CTIF: variants seen among roughly 807,000 people sequenced by gnomAD.
The protein encoded by CTIF is cap binding complex dependent translation initiation factor.
CTIF carries 21 observed loss-of-function variants against 66.0 expected under a neutral mutation model. That is an observed-to-expected ratio of 0.32 (90% CI 0.23 to 0.46). CTIF has a LOEUF of 0.46. Among genes scored for constraint, CTIF ranks in the 20% least tolerant of loss-of-function variants. CTIF has a pLI of 1.00. For synonymous variants in CTIF, 345 were observed against 326.4 expected, an observed-to-expected ratio of 1.06 and a Z score of -0.62; for missense variants, 739 against 812.7, an observed-to-expected ratio of 0.91 and a Z score of 1.10.
chr18:48,783,144 A>T (rs1911396276), intron 9 of CTIF, among the ~76,000 whole-genome samples: 1 of 152,182 alleles, frequency 6.6e-6, no homozygotes, highest in Non-Finnish European at 1.5e-5. Flanking sequence ...AGCAACTGGG[A>T]TCCAGGCCTG....
At chr18:48,669,753 A>G (rs1387681484) in intron 5 of CTIF, among the ~76,000 whole-genome samples, 1 of 135,384 alleles carries the variant, frequency 7.4e-6, no homozygotes, top group Non-Finnish European at 1.6e-5. Flanking sequence ...ATACACAAGA[A>G]ATATACACAC....
chr18:48,708,967 G>A (rs2092193040), intron 6 of CTIF, among the ~76,000 whole-genome samples: 1 of 152,154 alleles, frequency 6.6e-6, no homozygotes, highest in African/African-American at 2.4e-5. Context: ...CAGGATCACA[G>A]GAAAGATAAC....
intron 10 of CTIF, among the ~76,000 whole-genome samples, chr18:48,853,018 G>T (rs911210303): frequency 5.3e-5 from 8 of 152,186 alleles, no homozygotes; most frequent in Non-Finnish European, 1.2e-4. Flanking sequence ...AAAGGTACGT[G>T]CATCAGAGGG....
chr18:48,711,435 G>A (rs915348069), intron 6 of CTIF, among the ~76,000 whole-genome samples, 184 bp from the exon 7 acceptor site: 1 of 152,158 alleles, frequency 6.6e-6, no homozygotes, highest in African/African-American at 2.4e-5. Flanking sequence ...TCACTGCCTG[G>A]TAGGAAGTTC....
chr18:48,660,379 A>C (rs573610663), intron 3 of CTIF, among the ~76,000 whole-genome samples: 2 of 152,270 alleles, frequency 1.3e-5, no homozygotes, highest in Non-Finnish European at 2.9e-5. Context: ...CACCCCCAAC[A>C]TGGAGATGGC....
At chr18:48,809,416 G>C (rs1208046687) in intron 9 of CTIF, among the ~76,000 whole-genome samples, 1 of 152,012 alleles carries the variant, frequency 6.6e-6, no homozygotes, top group Non-Finnish European at 1.5e-5. Flanking sequence ...CTGATACTAA[G>C]TCATCCATGC....
chr18:48,586,470 C>T (rs1252135858), intron 1 of CTIF, among the ~76,000 whole-genome samples: 1 of 151,782 alleles, frequency 6.6e-6, no homozygotes, highest in Non-Finnish European at 1.5e-5. Context: ...AGGATTTCAC[C>T]ATGTTGGCCA....
At chr18:48,755,668 C>T (rs910433536) in intron 7 of CTIF, 1 of 152,142 alleles carries the variant, frequency 6.6e-6, no homozygotes, top group African/African-American at 2.4e-5. Flanking sequence ...AGTGCTTTTG[C>T]CCAGGAATGT....
intron 2 of CTIF, among the ~76,000 whole-genome samples, chr18:48,623,230 C>G (rs1238144348): frequency 6.6e-6 from 1 of 152,230 alleles, no homozygotes; most frequent in African/African-American, 2.4e-5. Context: ...CATTTGGATG[C>G]ATTCTCTAAA....
At chr18:48,783,902 G>A (rs948777083) in intron 9 of CTIF, among the ~76,000 whole-genome samples, 8 of 151,958 alleles carry the variant, frequency 5.3e-5, no homozygotes, top group South Asian at 2.1e-4. Context: ...CTTACGTAGC[G>A]TCCACACGTA....
intron 10 of CTIF, among the ~76,000 whole-genome samples, chr18:48,828,720 C>G (rs1457533374): frequency 6.6e-6 from 1 of 152,238 alleles, no homozygotes; most frequent in Non-Finnish European, 1.5e-5. Context: ...CTTTCTCTCC[C>G]CACAGACGCA....
chr18:48,767,209 A>G (rs1213990941), intron 9 of CTIF, among the ~76,000 whole-genome samples: 1 of 152,116 alleles, frequency 6.6e-6, no homozygotes, highest in Non-Finnish European at 1.5e-5. Flanking sequence ...AAGGAACCAA[A>G]AGTTTCCTTG....
intron 7 of CTIF, among the ~76,000 whole-genome samples, chr18:48,751,401 A>G (rs1907798275): frequency 1.3e-5 from 2 of 152,116 alleles, no homozygotes; most frequent in South Asian, 4.2e-4. Context: ...AAAGCTAGAG[A>G]CCTGTTTCTG....
intron 10 of CTIF, among the ~76,000 whole-genome samples, chr18:48,835,952 A>G (rs1468845616): frequency 6.6e-6 from 1 of 151,398 alleles, no homozygotes; most frequent in African/African-American, 2.4e-5. Context: ...CCCTGTTTGC[A>G]TTTGTCATTC....
intron 3 of CTIF, among the ~76,000 whole-genome samples, chr18:48,658,219 T>C (rs979739115): frequency 9.2e-5 from 14 of 151,566 alleles, no homozygotes; most frequent in Non-Finnish European, 1.6e-4. Context: ...TGGGTGTGGA[T>C]ATGTGTGTGT....
chr18:48,854,397 A>G (rs1568271566), intron 10 of CTIF, among the ~76,000 whole-genome samples: 2 of 152,154 alleles, frequency 1.3e-5, no homozygotes, highest in Non-Finnish European at 2.9e-5. Context: ...CTGCATGGGA[A>G]GAAGTCATGG....
At chr18:48,683,393 A>G (rs542865040) in intron 6 of CTIF, among the ~76,000 whole-genome samples, 199 of 149,080 alleles carry the variant, frequency 1.3e-3, no homozygotes, top group African/African-American at 4.2e-3. Context: ...TCCGAGCATC[A>G]GTGGTCTCAC....
intron 3 of CTIF, among the ~76,000 whole-genome samples, chr18:48,657,479 ACC>A (rs1432049134): frequency 7.2e-5 from 11 of 152,150 alleles, no homozygotes; most frequent in Admixed American, 2.6e-4. Flanking sequence ...CTAAATTTAA[ACC>A]ACCAACCCTC....
At chr18:48,549,338 G>A (rs1469433022) in intron 1 of CTIF, among the ~76,000 whole-genome samples, 5 of 152,206 alleles carry the variant, frequency 3.3e-5, no homozygotes, top group Non-Finnish European at 7.3e-5. Context: ...GGGGATTGGG[G>A]TGGAAGTATG....
Sources: gnomAD v4.1 joint callset for allele counts (sites outside exome capture counted in the v4.1 genomes callset) on GRCh38, gnomAD v4.1.1 for gene constraint, MANE v1.5 for transcripts, NCBI Gene and HGNC (gene_info 2026-07-23, HGNC 2026-07-21) for gene names.